NRG3: variants seen among roughly 807,000 people sequenced by gnomAD.
NRG3 encodes pro-neuregulin-3, membrane-bound isoform.
A neutral mutation model predicts 66.9 loss-of-function variants in NRG3; 31 were observed. That is an observed-to-expected ratio of 0.46 (90% confidence interval 0.35 to 0.63). NRG3 has a LOEUF of 0.63. NRG3 is among the 20% of genes least tolerant of loss of function. The probability of loss-of-function intolerance (pLI) is 0.00; values close to 1 mark genes in which losing one functional copy is unlikely to be tolerated. For missense variants in NRG3, 910 were observed against 878.9 expected (o/e 1.04, Z -0.45); for synonymous variants, 393 against 359.4 (o/e 1.09, Z -1.06).
intron 2 of NRG3, among the ~76,000 whole-genome samples, chr10:82,645,898 G>A (rs1036500124): frequency 2.7e-4 from 41 of 151,642 alleles, no homozygotes; most frequent in African/African-American, 9.0e-4. Context: ...CAGCTATAGT[G>A]CCTGGAGATA....
At chr10:81,893,892 TTAGTAA>T (rs1396066162) in intron 1 of NRG3, among the ~76,000 whole-genome samples, 1 of 152,092 alleles carries the variant, frequency 6.6e-6, no homozygotes, top group Non-Finnish European at 1.5e-5. Context: ...CCAGTATAAT[TTAGTAA>T]CAAAAGATTT....
At chr10:81,930,311 T>G (rs1483997024) in intron 1 of NRG3, among the ~76,000 whole-genome samples, 1 of 152,120 alleles carries the variant, frequency 6.6e-6, no homozygotes, top group Non-Finnish European at 1.5e-5. Flanking sequence ...ATCCCTGAGC[T>G]TCCCATGACG....
At chr10:82,207,499 T>C (rs1325378249) in intron 1 of NRG3, among the ~76,000 whole-genome samples, 1 of 152,220 alleles carries the variant, frequency 6.6e-6, no homozygotes, top group Non-Finnish European at 1.5e-5. Context: ...GTGTTTATAA[T>C]GGTGCCTAGC....
intron 2 of NRG3, among the ~76,000 whole-genome samples, chr10:82,426,929 G>A (rs982753232): frequency 6.6e-6 from 1 of 152,018 alleles, no homozygotes; most frequent in Non-Finnish European, 1.5e-5. Flanking sequence ...GGGATTACAG[G>A]CATAAGCCAC....
rs11289529 is a variant in NRG3 at position 82,971,436 on chromosome 10, C to CTT, written c.1285-2335_1285-2334dup. The stretch of plus-strand genomic sequence containing the variant: ...TTCGTGACTAGTTGAGAAAGCCGTT[C>CTT]TTTTTTTTTTTTTTTTTTGATACAG... On this transcript the variant is annotated intron_variant, in intron 6 of 8. Transcript: ENST00000372141. Among the ~76,000 whole-genome samples, 6 of 121,868 alleles carry CTT rather than the reference C, an allele frequency of 4.9e-5. No homozygotes were observed. The East Asian group carries it at 7.4e-4, about 15-fold the overall frequency. 80.0% of individuals were successfully genotyped at this position (121,868 alleles called of 152,430 possible).
intron 1 of NRG3, among the ~76,000 whole-genome samples, chr10:82,090,845 A>G (rs1269257928): frequency 6.6e-6 from 1 of 152,192 alleles, no homozygotes; most frequent in Non-Finnish European, 1.5e-5. Context: ...GGGCTTAAGT[A>G]TTCATGAATT....
At chr10:82,380,207 C>T (rs1324510138) in intron 2 of NRG3, among the ~76,000 whole-genome samples, 2 of 152,014 alleles carry the variant, frequency 1.3e-5, no homozygotes, top group African/African-American at 4.8e-5. Flanking sequence ...GACTATGTTG[C>T]ATTCCAAGGA....
intron 2 of NRG3, among the ~76,000 whole-genome samples, chr10:82,491,038 GTCT>G (rs988184296): frequency 6.6e-6 from 1 of 151,560 alleles, no homozygotes; most frequent in Non-Finnish European, 1.5e-5. Flanking sequence ...ATTTACAATG[GTCT>G]TCTTCTGAGC....
chr10:82,242,591 T>C (rs1216572814), intron 1 of NRG3, among the ~76,000 whole-genome samples: 1 of 152,178 alleles, frequency 6.6e-6, no homozygotes, highest in Non-Finnish European at 1.5e-5. Flanking sequence ...GCTGAAGTTA[T>C]TGTTTTGCTG....
At chr10:82,320,478 A>C (rs1050714818) in intron 1 of NRG3, among the ~76,000 whole-genome samples, 1 of 152,200 alleles carries the variant, frequency 6.6e-6, no homozygotes, top group Non-Finnish European at 1.5e-5. Context: ...CTCACTGAAT[A>C]CTTAGCTGGG....
At chr10:82,340,214 C>T (rs2082611643) in intron 1 of NRG3, among the ~76,000 whole-genome samples, 1 of 152,166 alleles carries the variant, frequency 6.6e-6, no homozygotes, top group South Asian at 2.1e-4. Flanking sequence ...GAAGTAAAAA[C>T]ATATTTCCTA....
chr10:82,972,677 T>A (rs1246396679), intron 6 of NRG3, among the ~76,000 whole-genome samples: 2 of 152,174 alleles, frequency 1.3e-5, no homozygotes, highest in Non-Finnish European at 2.9e-5. Flanking sequence ...CATCTTAGAG[T>A]ATCATCTTAA....
chr10:81,949,424 CA>C (rs1396035751), intron 1 of NRG3, among the ~76,000 whole-genome samples: 1 of 152,000 alleles, frequency 6.6e-6, no homozygotes, highest in Non-Finnish European at 1.5e-5. Flanking sequence ...TACAGTGATG[CA>C]AATGTGCAGC....
At chr10:82,409,053 T>C (rs1036132238) in intron 2 of NRG3, among the ~76,000 whole-genome samples, 1 of 152,172 alleles carries the variant, frequency 6.6e-6, no homozygotes, top group Non-Finnish European at 1.5e-5. Context: ...ATAGGGGATC[T>C]GTATTTTAAG....
intron 1 of NRG3, among the ~76,000 whole-genome samples, chr10:82,013,672 T>C (rs2061671644): frequency 6.6e-6 from 1 of 152,134 alleles, no homozygotes; most frequent in Non-Finnish European, 1.5e-5. Context: ...AAAGGACTTT[T>C]TATTGATAGA....
intron 6 of NRG3, among the ~76,000 whole-genome samples, chr10:82,966,459 A>G (rs1851216117): frequency 6.6e-6 from 1 of 152,288 alleles, no homozygotes; most frequent in South Asian, 2.1e-4. Flanking sequence ...CATTTTTATT[A>G]TGTCATATCA....
rs185476802 is a variant in NRG3, at chr10:82,728,348, G to A, written c.954-10229G>A. 2.3e-3 allele frequency among the ~76,000 whole-genome samples: 355 copies of A among 152,290 alleles called. 4 individuals are homozygous for A. The highest frequency in any genetic ancestry group is 8.3e-3 in the African/African-American group (344 of 41,572). ...CCACATGTCATGGGAGGGAGCCAAT[G>A]GGAGGTAATTGAATCGTGGGGTCTG... On this transcript the variant is annotated intron_variant, in intron 2 of 8. Coordinates refer to ENST00000372141, the MANE Select transcript of NRG3 (RefSeq NM_001010848.4).
At chr10:81,887,487 A>G (rs1271919215) in intron 1 of NRG3, among the ~76,000 whole-genome samples, 1 of 152,172 alleles carries the variant, frequency 6.6e-6, no homozygotes, top group Non-Finnish European at 1.5e-5. Context: ...AGGCTAATTG[A>G]CAGTGCTGAG....
Position 82,707,026 on chromosome 10 carries a change from T to A in NRG3, c.954-31551T>A, listed in dbSNP as rs537473231. 2.5e-3 allele frequency among the ~76,000 whole-genome samples: 363 copies of A among 147,050 alleles called. 3 individuals are homozygous for A. Among genetic ancestry groups the A allele is most frequent in the African/African-American group, 8.6e-3 (349 of 40,502 alleles). ...AAAAATAAAATAAAATAAATATATA[T>A]ATATATATATATGTATATATATTTG... On this transcript the variant is annotated intron_variant, in intron 2 of 8. Coordinates refer to ENST00000372141, the MANE Select transcript of NRG3 (RefSeq NM_001010848.4).
Sources: allele counts gnomAD v4.1 joint callset (sites outside exome capture counted in the v4.1 genomes callset), GRCh38; gene constraint gnomAD v4.1.1; transcripts MANE v1.5; gene names NCBI Gene and HGNC (gene_info 2026-07-23, HGNC 2026-07-21).